HPSE2: variants seen among roughly 807,000 people sequenced by gnomAD.
The protein encoded by HPSE2 is inactive heparanase-2.
A neutral mutation model predicts 60.5 loss-of-function variants in HPSE2; 38 were observed. That is an observed-to-expected ratio of 0.63 (90% CI 0.48 to 0.82). The LOEUF is 0.82. Among genes scored for constraint, HPSE2 ranks in the 40% least tolerant of loss-of-function variants. The pLI is 0.00. For missense variants in HPSE2, 713 were observed against 740.4 expected (o/e 0.96, Z 0.43); for synonymous variants, 295 against 293.2 (o/e 1.01, Z -0.06).
intron 6 of HPSE2, among the ~76,000 whole-genome samples, chr10:98,653,955 T>A (rs553574873): frequency 6.6e-6 from 1 of 151,986 alleles, no homozygotes; most frequent in South Asian, 2.1e-4. Flanking sequence ...CTTTCACTTT[T>A]CATGGATAAA....
At chr10:98,513,067 T>A (rs1942473399) in intron 9 of HPSE2, among the ~76,000 whole-genome samples, 1 of 152,186 alleles carries the variant, frequency 6.6e-6, no homozygotes, top group South Asian at 2.1e-4. Flanking sequence ...GACTATGATT[T>A]TCATAATGAT....
intron 9 of HPSE2, among the ~76,000 whole-genome samples, chr10:98,524,154 C>G (rs1441603016): frequency 1.3e-5 from 2 of 152,198 alleles, no homozygotes; most frequent in Non-Finnish European, 2.9e-5. Flanking sequence ...CTGTTGACAT[C>G]TTGAAATTCT....
chr10:98,589,057 AT>A (rs1945016323), intron 9 of HPSE2, among the ~76,000 whole-genome samples: 3 of 152,306 alleles, frequency 2.0e-5, no homozygotes, highest in East Asian at 3.9e-4. Flanking sequence ...TTTTAAAAAA[AT>A]ATCTGATTGG....
the HPSE2 span, among the ~76,000 whole-genome samples, chr10:99,280,296 A>G: frequency 6.6e-6 from 1 of 152,196 alleles, no homozygotes; most frequent in Admixed American, 6.5e-5. Context: ...AGTATGGGTA[A>G]TAACAGGAGA....
In HPSE2 at chr10:98,459,689, A is replaced by AG; in HGVS notation, c.1663dup (p.Leu555ProfsTer61). ...AAGGGGGCGGGGCTTCAATTCTGGG[A>AG]GGGTCCCGTCGTCCACCATCACTAA... On this transcript the variant is annotated frameshift_variant, in exon 12 of 12. Coordinates refer to ENST00000370552, the MANE Select transcript of HPSE2 (RefSeq NM_021828.5). LOFTEE classifies it high-confidence loss of function. The AG allele has an allele frequency of 1.2e-6, 2 of 1,614,076 alleles. No homozygotes were observed. The highest frequency in any genetic ancestry group is 1.7e-6 in the Non-Finnish European group (2 of 1,180,010).
chr10:99,305,969 G>GCACACACACACACACACACA, the HPSE2 span, among the ~76,000 whole-genome samples: 9 of 50,924 alleles, frequency 1.8e-4, no homozygotes, highest in South Asian at 5.8e-4. Flanking sequence ...ACACGCGCGC[G>GCACACACACACACACACACA]CGCGCGCGCG....
intron 9 of HPSE2, among the ~76,000 whole-genome samples, chr10:98,552,439 C>A (rs781508190): frequency 3.3e-5 from 5 of 151,978 alleles, no homozygotes; most frequent in Non-Finnish European, 5.9e-5. Flanking sequence ...ATGAAAAAAG[C>A]GGGATATAAG....
chr10:99,253,805 A>G, the HPSE2 span, among the ~76,000 whole-genome samples: 1 of 152,204 alleles, frequency 6.6e-6, no homozygotes, highest in Non-Finnish European at 1.5e-5. Context: ...AAAAGACATG[A>G]ACAGACACTT....
chr10:99,027,610 A>G (rs1465397109), intron 3 of HPSE2, among the ~76,000 whole-genome samples: 2 of 152,094 alleles, frequency 1.3e-5, no homozygotes, highest in Non-Finnish European at 2.9e-5. Flanking sequence ...AACTCATTCT[A>G]TGAGGCCAGG....
chr10:99,223,283 T>C (rs1329739747), intron 2 of HPSE2, among the ~76,000 whole-genome samples: 2 of 152,214 alleles, frequency 1.3e-5, no homozygotes, highest in Admixed American at 1.3e-4. Context: ...TGTATACTGC[T>C]TAAAACAGTA....
intron 9 of HPSE2, among the ~76,000 whole-genome samples, chr10:98,554,365 A>C (rs1943944951): frequency 6.6e-6 from 1 of 152,216 alleles, no homozygotes; most frequent in African/African-American, 2.4e-5. Flanking sequence ...TGACTAAAGT[A>C]GGACGTCCTT....
At chr10:98,641,777 G>A in intron 7 of HPSE2, 70 bp downstream of exon 7, 5 of 1,169,240 alleles carry the variant, frequency 4.3e-6, no homozygotes, top group Non-Finnish European at 6.4e-6. Flanking sequence ...TGCCCAGCTG[G>A]GACTTTGTGT....
intron 3 of HPSE2, among the ~76,000 whole-genome samples, chr10:98,767,159 T>G (rs1950138111): frequency 6.6e-6 from 1 of 152,154 alleles, no homozygotes; most frequent in African/African-American, 2.4e-5. Context: ...AGTGAAAAAT[T>G]GAATGTTTTC....
chr10:98,954,324 G>GA (rs958105146), intron 3 of HPSE2, among the ~76,000 whole-genome samples: 27 of 150,346 alleles, frequency 1.8e-4, no homozygotes, highest in South Asian at 8.4e-4. Context: ...AGAAACAAAG[G>GA]AAAAAAAAAG....
chr10:98,492,715 C>T (rs1176245398), intron 9 of HPSE2, among the ~76,000 whole-genome samples: 1 of 152,044 alleles, frequency 6.6e-6, no homozygotes, highest in Non-Finnish European at 1.5e-5. Flanking sequence ...GATGAGGATA[C>T]CTGGGTAAAA....
At chr10:99,160,169 C>T (rs1377649667) in intron 2 of HPSE2, among the ~76,000 whole-genome samples, 1 of 150,738 alleles carries the variant, frequency 6.6e-6, no homozygotes, top group African/African-American at 2.4e-5. Context: ...AAGCCACCAA[C>T]TGAGAAAATA....
At chr10:99,111,371 G>A (rs1393520526) in intron 3 of HPSE2, among the ~76,000 whole-genome samples, 2 of 152,086 alleles carry the variant, frequency 1.3e-5, no homozygotes, top group African/African-American at 2.4e-5. Flanking sequence ...GAGAGCCTCT[G>A]TAATTCTGTA....
At chr10:98,775,560 T>G (rs1365165085) in intron 3 of HPSE2, among the ~76,000 whole-genome samples, 1 of 152,218 alleles carries the variant, frequency 6.6e-6, no homozygotes, top group African/African-American at 2.4e-5. Context: ...CTTAAAATTC[T>G]GAAAAACTGT....
intron 3 of HPSE2, among the ~76,000 whole-genome samples, chr10:98,996,817 C>T (rs144577379): frequency 1.6e-3 from 242 of 152,262 alleles, no homozygotes; most frequent in Non-Finnish European, 3.0e-3. Flanking sequence ...AATAGTCTAA[C>T]ATAATCTATA....
Sources: allele counts gnomAD v4.1 joint callset (sites outside exome capture counted in the v4.1 genomes callset), GRCh38; gene constraint gnomAD v4.1.1; transcripts MANE v1.5; gene names NCBI Gene and HGNC (gene_info 2026-07-23, HGNC 2026-07-21).